The following FANCA variants were observed in gnomAD, a reference collection of about 807,000 sequenced individuals.
The protein encoded by FANCA is FA complementation group A.
In FANCA, 236 loss-of-function variants were observed where a neutral mutation model predicts 194.3. The ratio of observed to expected loss-of-function variants is 1.21; its 90% CI spans 1.09 to 1.35. The LOEUF (loss-of-function observed/expected upper bound fraction) is 1.35. FANCA is among the 40% of genes most tolerant of loss of function. The pLI is 0.00. For missense variants in FANCA, 2,628 were observed against 1,813.9 expected (o/e 1.45, Z -8.15); for synonymous variants, 1,014 against 715.8 (o/e 1.42, Z -6.65).
chr16:89,799,034 T>C (rs757875723), intron 10 of FANCA, 132 bp downstream of exon 10: 38 of 1,614,126 alleles, frequency 2.4e-5, no homozygotes, highest in Non-Finnish European at 3.2e-5. Context: ...ACGCACGTTA[T>C]CGTAACTGGC....
chr16:89,772,817 TCA>T (rs1491249214), intron 22 of FANCA, among the ~76,000 whole-genome samples: 1 of 101,554 alleles, frequency 9.8e-6, no homozygotes, highest in East Asian at 2.9e-3. Context: ...AGACTCTGTC[TCA>T]AAAAAAAAAA....
intron 8 of FANCA, among the ~76,000 whole-genome samples, chr16:89,801,907 A>C (rs950071102): frequency 6.6e-6 from 1 of 151,300 alleles, no homozygotes; most frequent in East Asian, 1.9e-4. Context: ...CAAAAAAACA[A>C]AAAAAAAACC....
At position 89,738,283 on chromosome 16, in the gene FANCA, A is replaced by G; in HGVS notation, c.*318T>C. On this transcript the variant is annotated 3_prime_UTR_variant, in exon 43 of 43. Coordinates refer to ENST00000389301, the MANE Select transcript of FANCA (RefSeq NM_000135.4). ...AGGATGAGCACCTCTAGCAGCCTGG[A>G]CTCCGCAGTGGCTGTGTCAGCCTCA... 1 of 1,555,352 alleles carries G rather than the reference A, an allele frequency of 6.4e-7. No homozygotes were observed. The highest frequency in any genetic ancestry group is 8.7e-7 in the Non-Finnish European group (1 of 1,151,930).
At chr16:89,798,549 G>A in intron 10 of FANCA, 1 of 1,122,848 alleles carries the variant, frequency 8.9e-7, no homozygotes, top group South Asian at 3.5e-5. Context: ...AAGGTCCCCT[G>A]CCCACACTAG....
chr16:89,792,268 A>C (rs1392630688), intron 12 of FANCA, among the ~76,000 whole-genome samples, 200 bp from the exon 13 acceptor site: 1 of 152,074 alleles, frequency 6.6e-6, no homozygotes, highest in African/African-American at 2.4e-5. Context: ...AATTCTCCCT[A>C]TCTCAAGGAG....
chr16:89,808,444 T>C (rs1480919712), intron 5 of FANCA, 77 bp from the exon 6 acceptor site: 3 of 1,439,020 alleles, frequency 2.1e-6, no homozygotes, highest in Non-Finnish European at 2.9e-6. Flanking sequence ...GAATGCATTT[T>C]CCTACAAAAT....
chr16:89,786,783 C>A (rs543147778), intron 14 of FANCA, among the ~76,000 whole-genome samples: 1 of 152,184 alleles, frequency 6.6e-6, no homozygotes, highest in East Asian at 1.9e-4. Context: ...ACCAGGAAAG[C>A]AGCTCAATAC....
intron 3 of FANCA, among the ~76,000 whole-genome samples, chr16:89,812,107 G>C (rs1051073168): frequency 6.7e-6 from 1 of 150,352 alleles, no homozygotes; most frequent in East Asian, 2.0e-4. Context: ...AGGCCGAGGC[G>C]GGCGGATTAC....
chr16:89,740,799 CTTACATTTGAGGTCAGAT>C lies in FANCA; in HGVS notation c.3815_3828+4del. ...GGACACCTTGGCTGGTAAGGTCTGA[CTTACATTTGAGGTCAGAT>C]GTGACGACAGCAGGCCCATCAAGGA... On this transcript the variant is annotated splice_donor_variant and splice_donor_region_variant and coding_sequence_variant and intron_variant, in exon 38 of 43. Transcript: ENST00000389301. LOFTEE classifies it high-confidence loss of function. The C allele has an allele frequency of 1.2e-6, 2 of 1,613,186 alleles. No homozygotes were observed. The highest frequency in any genetic ancestry group is 1.7e-6 in the Non-Finnish European group (2 of 1,179,448).
At chr16:89,806,805 C>G (rs12445478) in intron 6 of FANCA, among the ~76,000 whole-genome samples, 8,701 of 152,306 alleles carry the variant, frequency 0.057, 349 homozygotes, top group Middle Eastern at 0.16. Flanking sequence ...CACCCTTCCC[C>G]CCTTTGTATT....
chr16:89,745,412 C>T (rs1221983814), intron 35 of FANCA, among the ~76,000 whole-genome samples: 3 of 150,658 alleles, frequency 2.0e-5, no homozygotes, highest in Admixed American at 2.0e-4. Context: ...GACCACACTC[C>T]TCTGAGCTGG....
chr16:89,751,990 T>G (rs980196800), intron 31 of FANCA, 148 bp downstream of exon 31: 2 of 769,812 alleles, frequency 2.6e-6, no homozygotes, highest in Non-Finnish European at 4.7e-6. Flanking sequence ...CAGCATGGTC[T>G]CGATCTCCTG....
chr16:89,808,843 A>G (rs1016528026), intron 5 of FANCA, among the ~76,000 whole-genome samples: 1 of 151,368 alleles, frequency 6.6e-6, no homozygotes, highest in Non-Finnish European at 1.5e-5. Flanking sequence ...CACTGTGAAC[A>G]CTGTGCCTGT....
intron 28 of FANCA, among the ~76,000 whole-genome samples, chr16:89,763,315 C>G (rs746598708): frequency 6.6e-6 from 1 of 152,044 alleles, no homozygotes; most frequent in Non-Finnish European, 1.5e-5. Context: ...GTGGCTCACA[C>G]TTGCAATCTC....
chr16:89,795,536 G>A (rs2040215174), intron 11 of FANCA, among the ~76,000 whole-genome samples: 1 of 152,010 alleles, frequency 6.6e-6, no homozygotes, highest in African/African-American at 2.4e-5. Flanking sequence ...TACTTGAGAG[G>A]CTGAGACACG....
chr16:89,803,224 T>C (rs374028190), intron 8 of FANCA, 35 bp downstream of exon 8: 9 of 1,594,098 alleles, frequency 5.6e-6, no homozygotes, highest in African/African-American at 1.3e-5. Context: ...GGACGGCTCC[T>C]TCCGCTAAAC....
At chr16:89,798,664 A>G in intron 10 of FANCA, 2 of 1,250,080 alleles carry the variant, frequency 1.6e-6, no homozygotes, top group Non-Finnish European at 2.0e-6. Context: ...GGGTCTCCGC[A>G]CATCTCCACA....
intron 20 of FANCA, among the ~76,000 whole-genome samples, chr16:89,778,032 C>T (rs917065855): frequency 1.2e-4 from 18 of 151,670 alleles, no homozygotes; most frequent in Admixed American, 7.9e-4. Flanking sequence ...CGTGGTGGTG[C>T]GCGCCTGTAA....
chr16:89,770,096 G>T, intron 25 of FANCA, 70 bp downstream of exon 25: 1 of 1,579,852 alleles, frequency 6.3e-7, no homozygotes, highest in Non-Finnish European at 8.6e-7. Flanking sequence ...CACTGAAGAC[G>T]AATTGAGAAG....
Sources: gnomAD v4.1 joint callset for allele counts (sites outside exome capture counted in the v4.1 genomes callset) on GRCh38, gnomAD v4.1.1 for gene constraint, MANE v1.5 for transcripts, NCBI Gene and HGNC (gene_info 2026-07-23, HGNC 2026-07-21) for gene names.